SFMBT2: variants seen among roughly 807,000 people sequenced by gnomAD.
SFMBT2 encodes the protein scm-like with four MBT domains protein 2.
In SFMBT2, 38 loss-of-function variants were observed where a neutral mutation model predicts 110.1. The observed-to-expected ratio is 0.35, with a 90% CI of 0.27 to 0.45. The LOEUF (loss-of-function observed/expected upper bound fraction) is 0.45, where lower values mean the gene tolerates loss of function less well. Among genes scored for constraint, SFMBT2 ranks in the 20% least tolerant of loss-of-function variants. The pLI is 1.00. For synonymous variants in SFMBT2, 425 were observed against 425.4 expected (o/e 1.00, Z 0.01); for missense variants, 1,011 against 1,094.9 (o/e 0.92, Z 1.08).
At chr10:7,328,428 A>AT (rs1180593047) in intron 4 of SFMBT2, among the ~76,000 whole-genome samples, 3 of 152,290 alleles carry the variant, frequency 2.0e-5, no homozygotes, top group African/African-American at 7.2e-5. Flanking sequence ...GTCCTTTGAC[A>AT]TTTCATTCTT....
At chr10:7,252,556 A>G (rs1325347001) in intron 7 of SFMBT2, among the ~76,000 whole-genome samples, 1 of 152,212 alleles carries the variant, frequency 6.6e-6, no homozygotes, top group Non-Finnish European at 1.5e-5. Flanking sequence ...ATCTATAACA[A>G]TGAACATAAA....
intron 15 of SFMBT2, among the ~76,000 whole-genome samples, chr10:7,192,307 A>T (rs111913846): frequency 0.021 from 3,140 of 152,246 alleles, 46 homozygotes; most frequent in Admixed American, 0.037. Context: ...CCAATATCAC[A>T]TGGAAAAGTC....
chr10:7,306,358 G>T (rs1026033683), intron 4 of SFMBT2, among the ~76,000 whole-genome samples: 10 of 152,208 alleles, frequency 6.6e-5, no homozygotes, highest in Admixed American at 5.9e-4. Context: ...CATGACATAT[G>T]AAAATTATAT....
intron 20 of SFMBT2, among the ~76,000 whole-genome samples, chr10:7,164,625 T>C (rs1448745055): frequency 6.6e-6 from 1 of 151,912 alleles, no homozygotes; most frequent in African/African-American, 2.4e-5. Context: ...AGCAAAGGAA[T>C]CTCTACTAAA....
intron 1 of SFMBT2, among the ~76,000 whole-genome samples, chr10:7,390,696 A>G (rs1845740454): frequency 1.3e-5 from 2 of 152,226 alleles, no homozygotes; most frequent in South Asian, 4.1e-4. Flanking sequence ...TAAAAGGGGA[A>G]AAGTTTGCTC....
At chr10:7,275,143 C>G (rs1841730398) in intron 7 of SFMBT2, among the ~76,000 whole-genome samples, 1 of 152,242 alleles carries the variant, frequency 6.6e-6, no homozygotes, top group African/African-American at 2.4e-5. Context: ...GGGAGGCAGA[C>G]CTGGGGCTGC....
At position 7,172,419 on chromosome 10, in the gene SFMBT2, T is replaced by C; in HGVS notation, c.2151+76A>G. The C allele has an allele frequency of 1.9e-6, 3 of 1,605,772 alleles. No individual in the cohort carries two copies. The highest frequency in any genetic ancestry group is 2.5e-6 in the Non-Finnish European group (3 of 1,177,320). ...CCACAATCTCCAGGGCCACCTCTGC[T>C]GTGAAGCAGCCACACTTGCCGGCCA... On this transcript the variant is annotated intron_variant, in intron 18 of 20. Transcript: ENST00000397167. The surrounding 1 kb of genome is among the most constrained non-coding windows in gnomAD (Gnocchi z 4.6).
chr10:7,262,419 C>T (rs1443879968), intron 7 of SFMBT2, among the ~76,000 whole-genome samples: 1 of 152,166 alleles, frequency 6.6e-6, no homozygotes, highest in Non-Finnish European at 1.5e-5. Context: ...TGAAATGTGT[C>T]TAGTTTTATA....
At chr10:7,207,765 G>A (rs1839200577) in intron 11 of SFMBT2, among the ~76,000 whole-genome samples, 1 of 152,210 alleles carries the variant, frequency 6.6e-6, no homozygotes, top group African/African-American at 2.4e-5. Context: ...TGGTGAAGAT[G>A]GAGTATTTTA....
At chr10:7,356,135 A>T (rs1246089146) in intron 4 of SFMBT2, among the ~76,000 whole-genome samples, 1 of 152,150 alleles carries the variant, frequency 6.6e-6, no homozygotes, top group Non-Finnish European at 1.5e-5. Context: ...ACCAGTCCTG[A>T]AAACAGGATC....
intron 2 of SFMBT2, among the ~76,000 whole-genome samples, chr10:7,380,456 G>A (rs1845387276): frequency 6.6e-6 from 1 of 152,172 alleles, no homozygotes; most frequent in Non-Finnish European, 1.5e-5. Context: ...TCAATGATAT[G>A]GAGCAACCTG....
intron 4 of SFMBT2, among the ~76,000 whole-genome samples, chr10:7,322,461 C>A (rs1843222181): frequency 6.6e-6 from 1 of 152,138 alleles, no homozygotes; most frequent in Admixed American, 6.5e-5. Flanking sequence ...AAAGGGCGCT[C>A]CCAGCTGAAA....
intron 4 of SFMBT2, among the ~76,000 whole-genome samples, chr10:7,303,369 A>G (rs1842607056): frequency 6.6e-6 from 1 of 152,252 alleles, no homozygotes; most frequent in Non-Finnish European, 1.5e-5. Flanking sequence ...TAGAAGCAGT[A>G]ATTCATCAAT....
In SFMBT2 at chr10:7,159,973, C is replaced by T. The variant is rs1837508094; in HGVS notation, c.*3797G>A. The T allele has an allele frequency of 6.6e-6, 1 of 152,154 alleles. No individual in the cohort carries two copies. Among genetic ancestry groups the T allele is most frequent in the Admixed American group, 6.5e-5 (1 of 15,272 alleles). The allele number at this position is 152,154 out of a possible 1,614,324, so 9.4% of individuals were successfully genotyped here. ...CGACACCCATCTTCAAAAGGCTGAT[C>T]AAAATCAACCTTCTAGAGAGGGCAG... On this transcript the variant is annotated 3_prime_UTR_variant, in exon 21 of 21. Coordinates refer to ENST00000397167, the MANE Select transcript of SFMBT2 (RefSeq NM_001387889.1).
chr10:7,214,192 C>A (rs112090845), intron 11 of SFMBT2, among the ~76,000 whole-genome samples: 1 of 152,186 alleles, frequency 6.6e-6, no homozygotes, highest in Admixed American at 6.5e-5. Flanking sequence ...AGAATATATG[C>A]GATCCTTCTT....
At chr10:7,291,699 G>A (rs1842264897) in intron 4 of SFMBT2, among the ~76,000 whole-genome samples, 1 of 152,214 alleles carries the variant, frequency 6.6e-6, no homozygotes. Flanking sequence ...CAGAGAGTGG[G>A]CATGGGAGTA....
chr10:7,297,805 C>T (rs185111554), intron 4 of SFMBT2, among the ~76,000 whole-genome samples: 27 of 152,354 alleles, frequency 1.8e-4, no homozygotes, highest in African/African-American at 6.3e-4. Context: ...CGACGACACA[C>T]ACATTCAGCA....
intron 15 of SFMBT2, among the ~76,000 whole-genome samples, chr10:7,190,987 T>C (rs1294213411): frequency 6.6e-6 from 1 of 152,200 alleles, no homozygotes; most frequent in Non-Finnish European, 1.5e-5. Context: ...GAGTTCCCCT[T>C]TTTGCTTGGC....
intron 7 of SFMBT2, among the ~76,000 whole-genome samples, chr10:7,259,495 T>C (rs10905136): frequency 0.53 from 80,379 of 152,100 alleles, 22,373 homozygotes; most frequent in East Asian, 0.84. Context: ...CACTGTAGGA[T>C]GTTGCAACTG....
Sources: gnomAD v4.1 joint callset for allele counts (sites outside exome capture counted in the v4.1 genomes callset) on GRCh38, gnomAD v4.1.1 for gene constraint, Gnocchi (gnomAD v3.1) non-coding constraint, MANE v1.5 for transcripts, NCBI Gene and HGNC (gene_info 2026-07-23, HGNC 2026-07-21) for gene names.